The following MYBBP1A variants were observed in gnomAD, a reference collection of about 807,000 sequenced individuals.
The protein encoded by MYBBP1A is MYB binding protein 1a.
A neutral mutation model predicts 136.3 loss-of-function variants in MYBBP1A; 147 were observed. The observed-to-expected ratio is 1.08, with a 90% confidence interval of 0.94 to 1.24. The LOEUF (loss-of-function observed/expected upper bound fraction) is 1.24, where lower values mean the gene tolerates loss of function less well. Among genes scored for constraint, MYBBP1A ranks in the 50% most tolerant of loss-of-function variants. The pLI is 0.00. For synonymous variants in MYBBP1A, 947 were observed against 735.8 expected, an observed-to-expected ratio of 1.29 and a Z score of -4.65; for missense variants, 2,060 against 1,727.4, an observed-to-expected ratio of 1.19 and a Z score of -3.41.
chr17:4,544,421 A>C, intron 19 of MYBBP1A, 68 bp downstream of exon 19: 11 of 1,528,242 alleles, frequency 7.2e-6, no homozygotes, highest in South Asian at 1.2e-5. Context: ...CAGCAAGCCT[A>C]GAGCTCTGGC....
intron 13 of MYBBP1A, among the ~76,000 whole-genome samples, chr17:4,546,487 G>T (rs1369415217): frequency 6.6e-6 from 1 of 152,094 alleles, no homozygotes; most frequent in Non-Finnish European, 1.5e-5. Context: ...AGGGGACAAG[G>T]AGTCCAACTC....
chr17:4,552,436 C>A lies in MYBBP1A; in HGVS notation c.737+15G>T. 1.2e-6 allele frequency: 2 copies of A among 1,610,778 alleles called. No homozygotes were observed. Among genetic ancestry groups the A allele is most frequent in the Non-Finnish European group, 1.7e-6 (2 of 1,179,100 alleles). On this transcript the variant is annotated intron_variant, in intron 6 of 25. Coordinates refer to ENST00000254718, the MANE Select transcript of MYBBP1A (RefSeq NM_014520.4). This position sits in a 1 kb window ranked among gnomAD's most constrained non-coding sequence, Gnocchi z 4.7. ...TTGGCCCCAGGGAGGGCAAATCCGC[C>A]CACCTCCATCACACCTGGGGACATT...
chr17:4,539,471 G>A lies in MYBBP1A; in HGVS notation c.3931C>T (p.Leu1311=), dbSNP rs756714879. ...RLSLVIRSPS[L]LQSGAKKKAQ... Reference sequence around the variant, plus strand: ...TTCTTCTTGGCCCCACTCTGAAGCAGGCTGGGACTCCTGATGACCAAAGAC... The same window carrying A: ...TTCTTCTTGGCCCCACTCTGAAGCAAGCTGGGACTCCTGATGACCAAAGAC... Residue 1311 remains leucine, a synonymous_variant, in exon 26 of 26, where the codon CTG becomes TTG. Transcript: ENST00000254718. The A allele has an allele frequency of 7.4e-6, 12 of 1,614,060 alleles. No homozygotes were observed. The African/African-American group carries it at 1.5e-4, about 20-fold the overall frequency.
rs60423036 is a variant in MYBBP1A, at chr17:4,545,501, C to T, written c.2073+109G>A. On this transcript the variant is annotated intron_variant, in intron 15 of 25. Coordinates refer to ENST00000254718, the MANE Select transcript of MYBBP1A (RefSeq NM_014520.4). Reference sequence around the variant, plus strand: ...AAGGCCTCGTTGAGACCCCTCCCACCGGCCGCAGGCTCCCGGCAGGGAGGC... The same window carrying T: ...AAGGCCTCGTTGAGACCCCTCCCACTGGCCGCAGGCTCCCGGCAGGGAGGC... 15,137 of 1,496,360 alleles carry T rather than the reference C, an allele frequency of 0.01. 1,313 individuals carry two copies. The African/African-American group carries it at 0.19, about 18-fold the overall frequency. 92.7% of individuals were successfully genotyped at this position (1,496,360 alleles called of 1,614,324 possible).
chr17:4,544,943 GTCAGCCAGGCC>G, intron 17 of MYBBP1A, 22 bp from the exon 18 acceptor site: 1 of 1,587,272 alleles, frequency 6.3e-7, no homozygotes, highest in Non-Finnish European at 8.6e-7. Context: ...AGGCCCAGCG[GTCAGCCAGGCC>G]TCGGGCAGGC....
At position 4,545,131 on chromosome 17, in the gene MYBBP1A, T is replaced by C; in HGVS notation, c.2205A>G (p.Glu735=). Residue 735 remains glutamate (E), a synonymous_variant, in exon 17 of 26, where the codon GAA becomes GAG. Transcript: ENST00000254718. ...CGCTCTCCTCCCCCTCGCTCTCCTCTTCACTCTCTGAGCTTCTGTTGTCCT... is the reference window on the plus strand; with the variant it reads ...CGCTCTCCTCCCCCTCGCTCTCCTCCTCACTCTCTGAGCTTCTGTTGTCCT... The part of the protein sequence containing the change: ...EGEDNRSSES[E]EESEGEESEE... 1.2e-6 allele frequency: 2 copies of C among 1,612,838 alleles called. No individual in the cohort carries two copies. Among genetic ancestry groups the C allele is most frequent in the Non-Finnish European group, 8.5e-7 (1 of 1,179,744 alleles).
chr17:4,544,511 G>A lies in MYBBP1A; in HGVS notation c.2617C>T (p.His873Tyr). 1.3e-6 allele frequency: 2 copies of A among 1,552,572 alleles called. No homozygotes were observed. Among genetic ancestry groups the A allele is most frequent in the African/African-American group, 1.4e-5 (1 of 73,302 alleles). ...SSSKQEQDLL[H>Y]KTARIFTHHL... is the part of the protein sequence containing the mutation. The stretch of plus-strand genomic sequence containing the variant: ...CACGTGAAGATGCGCGCCGTCTTGT[G>A]CAGAAGGTCCTGCTCCTGTTTGGAG... Residue 873 changes from histidine (H) to tyrosine (Y), a missense_variant, in exon 19 of 26, where the codon CAC becomes TAC. Transcript: ENST00000254718.
chr17:4,545,813 C>T (rs896441876), intron 14 of MYBBP1A, 33 bp downstream of exon 14: 10 of 1,610,868 alleles, frequency 6.2e-6, no homozygotes, highest in African/African-American at 5.3e-5. Flanking sequence ...CCCCACCCCA[C>T]CACTCTAGTC....
At chr17:4,555,000 G>C in intron 1 of MYBBP1A, 44 bp from the exon 2 acceptor site, 1 of 1,608,354 alleles carries the variant, frequency 6.2e-7, no homozygotes, top group Non-Finnish European at 8.5e-7. Context: ...TGACAACAAG[G>C]TGCACGCCCC....
chr17:4,539,936 C>T lies in MYBBP1A; in HGVS notation c.3466G>A (p.Glu1156Lys). 1 of 1,599,162 alleles carries T rather than the reference C, an allele frequency of 6.3e-7. No individual in the cohort carries two copies. The highest frequency in any genetic ancestry group is 1.3e-5 in the African/African-American group (1 of 75,012). Reference sequence around the variant, plus strand: ...GGGCTCTGGGTGGCACTGGGGATCTCCTTGGCATCCTTCTTCTCCAACTTG... The same window carrying T: ...GGGCTCTGGGTGGCACTGGGGATCTTCTTGGCATCCTTCTTCTCCAACTTG... Reference protein sequence around the residue: ...RPKLEKKDAKEIPSATQSPIS... With the variant: ...RPKLEKKDAKKIPSATQSPIS... The change falls in exon 26 of 26, where the codon GAG becomes AAG. Residue 1156 changes from glutamate (E) to lysine (K), a missense_variant. By Grantham distance (56) the Glu-to-Lys change is moderately conservative (BLOSUM62 1). Transcript: ENST00000254718.
chr17:4,540,270 CAGCGTGTGTGT>C, intron 25 of MYBBP1A, 67 bp downstream of exon 25: 1 of 1,486,174 alleles, frequency 6.7e-7, no homozygotes, highest in Non-Finnish European at 9.0e-7. Context: ...AGCGTGTGTG[CAGCGTGTGTGT>C]GTGTGCAGCA....
In MYBBP1A at chr17:4,550,337, T is replaced by C. The variant is rs781070118; in HGVS notation, c.1040A>G (p.Lys347Arg). 10 of 1,612,308 alleles carry C rather than the reference T, an allele frequency of 6.2e-6. No homozygotes were observed. The highest frequency in any genetic ancestry group is 1.7e-4 in the Middle Eastern group (1 of 5,936). ...GTAATCGTCCATCTCTGGGGCAAAC[T>C]TGAACTGCTTTGGGAGCTGCAAGAG... ...VCTAKLPKQF[K>R]FAPEMDDYVG... Residue 347 changes from lysine (K) to arginine (R), a missense_variant, in exon 9 of 26, where the codon AAG (lysine) becomes AGG (arginine). Transcript: ENST00000254718.
chr17:4,540,237 C>G, intron 25 of MYBBP1A, 111 bp downstream of exon 25: 1 of 1,361,134 alleles, frequency 7.3e-7, no homozygotes, highest in Non-Finnish European at 9.8e-7. Flanking sequence ...CAGCAGCATG[C>G]GTGTGCAGTG....
At position 4,545,094 on chromosome 17, in the gene MYBBP1A, G is replaced by A. The variant is rs72830101; in HGVS notation, c.2242C>T (p.Arg748Cys). 4.6e-5 allele frequency: 73 copies of A among 1,594,700 alleles called. No individual in the cohort carries two copies. The East Asian group carries it at 8.7e-4, about 19-fold the overall frequency. Reference protein sequence around the residue: ...SEGEESEEEERDGDVDQGFRE... With the variant: ...SEGEESEEEECDGDVDQGFRE... ...AAGCCCTGATCCACGTCCCCGTCGC[G>A]CTCCTCCTCCTCGCTCTCCTCCCCC... The change falls in exon 17 of 26, where the codon CGC (arginine) becomes TGC (cysteine). Residue 748 changes from arginine to cysteine, a missense_variant. Physicochemically the swap from Arg to Cys is radical, Grantham distance 180. Coordinates refer to ENST00000254718, the MANE Select transcript of MYBBP1A (RefSeq NM_014520.4).
rs761653128 is a variant in MYBBP1A, at chr17:4,553,920, G to A, written c.454-3C>T. 9.9e-6 allele frequency: 16 copies of A among 1,613,868 alleles called. 1 individual carries two copies. The highest frequency in any genetic ancestry group is 5.0e-5 in the Admixed American group (3 of 59,980). On this transcript the variant is annotated splice_region_variant and splice_polypyrimidine_tract_variant and intron_variant, in intron 4 of 25. Coordinates refer to ENST00000254718, the MANE Select transcript of MYBBP1A (RefSeq NM_014520.4). ...GACTTCATCAGTGCCTCCTGGTCCT[G>A]GTCCCCACAGAGGGACAGAGGGTAT...
intron 21 of MYBBP1A, 40 bp from the exon 22 acceptor site, chr17:4,542,572 C>A: frequency 6.2e-7 from 1 of 1,612,724 alleles, no homozygotes; most frequent in Non-Finnish European, 8.5e-7. Flanking sequence ...GCAGGCTGGG[C>A]TGAGCAGGGA....
intron 13 of MYBBP1A, chr17:4,547,728 G>C (rs2144473895): frequency 4.3e-6 from 2 of 469,036 alleles, no homozygotes; most frequent in African/African-American, 2.0e-5. Context: ...CTGCCTCAAA[G>C]CTGTGGGGAT....
chr17:4,540,631 T>C, intron 24 of MYBBP1A, 147 bp from the exon 25 acceptor site: 1 of 1,015,124 alleles, frequency 9.9e-7, no homozygotes, highest in Non-Finnish European at 1.3e-6. Context: ...GCCTGTTAAG[T>C]CATCCGTGTC....
At position 4,552,779 on chromosome 17, in the gene MYBBP1A, T is replaced by A. The variant is rs116587745; in HGVS notation, c.562-153A>T. Reference sequence around the variant, plus strand: ...AAACTCAAATTCCCAGGCAGCGGGGTTTTTGACAAGCATCCCACTGACGCT... The same window carrying A: ...AAACTCAAATTCCCAGGCAGCGGGGATTTTGACAAGCATCCCACTGACGCT... On this transcript the variant is annotated intron_variant, in intron 5 of 25. Transcript: ENST00000254718. The surrounding 1 kb of genome is among the most constrained non-coding windows in gnomAD (Gnocchi z 4.7). 0.011 allele frequency among the ~76,000 whole-genome samples: 1,666 copies of A among 150,744 alleles called. 27 individuals are homozygous for A. Among genetic ancestry groups the A allele is most frequent in the African/African-American group, 0.038 (1,555 of 40,924 alleles).
Sources: allele counts gnomAD v4.1 joint callset (sites outside exome capture counted in the v4.1 genomes callset), GRCh38; gene constraint gnomAD v4.1.1; non-coding constraint Gnocchi (gnomAD v3.1); transcripts MANE v1.5; gene names NCBI Gene and HGNC (gene_info 2026-07-23, HGNC 2026-07-21).